Variants in KLHL29 observed in about 807,000 individuals in gnomAD.
KLHL29 encodes kelch-like protein 29.
In KLHL29, 21 loss-of-function variants were observed where a neutral mutation model predicts 80.4. The ratio of observed to expected loss-of-function variants is 0.26; its 90% CI spans 0.19 to 0.38. The LOEUF is 0.38. KLHL29 is among the 10% of genes least tolerant of loss of function. The pLI, the probability that KLHL29 is intolerant of heterozygous loss-of-function variation, is 1.00. For synonymous variants in KLHL29, 511 were observed against 526.8 expected (o/e 0.97, Z 0.41); for missense variants, 867 against 1,223.9 (o/e 0.71, Z 4.35).
chr2:23,464,645 C>A (rs1664299172), intron 1 of KLHL29, among the ~76,000 whole-genome samples: 1 of 152,212 alleles, frequency 6.6e-6, no homozygotes. Flanking sequence ...TCCCCACTTT[C>A]CCCTTCCCCT....
intron 1 of KLHL29, among the ~76,000 whole-genome samples, chr2:23,431,845 C>G (rs1183536191): frequency 2.1e-5 from 3 of 146,084 alleles, no homozygotes; most frequent in African/African-American, 7.6e-5. Context: ...AGTAGTCAGC[C>G]GAGCCGAGAT....
At chr2:23,540,324 C>T (rs1666795650) in intron 2 of KLHL29, among the ~76,000 whole-genome samples, 1 of 152,250 alleles carries the variant, frequency 6.6e-6, no homozygotes, top group Non-Finnish European at 1.5e-5. Flanking sequence ...ACTTCAGTTC[C>T]TCGATCATGC....
chr2:23,396,583 G>A lies in KLHL29; in HGVS notation c.-154+10803G>A, dbSNP rs751997163. 4.6e-5 allele frequency among the ~76,000 whole-genome samples: 7 copies of A among 152,150 alleles called. 1 individual carries two copies. Among genetic ancestry groups the A allele is most frequent in the Non-Finnish European group, 4.4e-5 (3 of 68,034 alleles). On this transcript the variant is annotated intron_variant, in intron 1 of 13. Coordinates refer to ENST00000486442, the MANE Select transcript of KLHL29 (RefSeq NM_052920.2). ...TGGGCTGGTTGGACCAGGAGGCTGC[G>A]TGCAGTGCGCTTGTCAGGCCGATCC...
chr2:23,644,608 C>T (rs77353656), intron 5 of KLHL29, among the ~76,000 whole-genome samples: 2,017 of 152,352 alleles, frequency 0.013, 27 homozygotes, highest in Non-Finnish European at 0.02. Context: ...CAGCCCTGAG[C>T]CCATGAGATC....
chr2:23,446,673 T>C (rs1320274407), intron 1 of KLHL29, among the ~76,000 whole-genome samples: 2 of 152,242 alleles, frequency 1.3e-5, no homozygotes, highest in Non-Finnish European at 2.9e-5. Flanking sequence ...GGAAAAGCCC[T>C]GTAAAACCCA....
intron 3 of KLHL29, among the ~76,000 whole-genome samples, chr2:23,613,763 CAAAAA>C (rs1157736706): frequency 3.0e-4 from 19 of 63,716 alleles, no homozygotes; most frequent in Middle Eastern, 0.011. Flanking sequence ...GACTCCATCT[CAAAAA>C]AAAAAAAAAA....
intron 2 of KLHL29, among the ~76,000 whole-genome samples, chr2:23,511,835 G>A (rs1254174764): frequency 1.3e-5 from 2 of 152,124 alleles, no homozygotes; most frequent in Non-Finnish European, 2.9e-5. Flanking sequence ...GGCTGGTGGG[G>A]GTGGTGGGGG....
At chr2:23,532,420 G>A (rs1163129244) in intron 2 of KLHL29, among the ~76,000 whole-genome samples, 1 of 152,208 alleles carries the variant, frequency 6.6e-6, no homozygotes, top group East Asian at 1.9e-4. Context: ...GTGGGAGCTG[G>A]TGAAGGGAAT....
intron 3 of KLHL29, among the ~76,000 whole-genome samples, chr2:23,615,546 C>T (rs1261780673): frequency 1.3e-5 from 2 of 152,090 alleles, no homozygotes; most frequent in East Asian, 1.9e-4. Context: ...CTGTGTGAGC[C>T]GCACTGCCTC....
chr2:23,675,517 G>A (rs1269024266), intron 5 of KLHL29, among the ~76,000 whole-genome samples: 1 of 151,954 alleles, frequency 6.6e-6, no homozygotes, highest in Non-Finnish European at 1.5e-5. Context: ...TTTTTGTTTG[G>A]GTAGATCTTA....
intron 3 of KLHL29, among the ~76,000 whole-genome samples, chr2:23,625,898 C>T (rs1037430391): frequency 2.6e-5 from 4 of 152,264 alleles, no homozygotes; most frequent in East Asian, 3.9e-4. Flanking sequence ...GGTGAGGACA[C>T]GGCAAGAAGG....
chr2:23,398,218 C>G (rs541732747), intron 1 of KLHL29, among the ~76,000 whole-genome samples: 1 of 152,204 alleles, frequency 6.6e-6, no homozygotes, highest in Non-Finnish European at 1.5e-5. Flanking sequence ...CCCAAGTGTC[C>G]GTCAGTGATG....
Position 23,655,889 on chromosome 2 carries a change from C to A in KLHL29, c.940+13039C>A, listed in dbSNP as rs535844006. Among the ~76,000 whole-genome samples the A allele has an allele frequency of 1.1e-4, 16 of 152,260 alleles. No individual in the cohort carries two copies. In the South Asian group the frequency reaches 2.9e-3, roughly 28 times the overall value. On this transcript the variant is annotated intron_variant, in intron 5 of 13. Coordinates refer to ENST00000486442, the MANE Select transcript of KLHL29 (RefSeq NM_052920.2). ...TGAGCAGATCTGACTGCAGCCTGAACGGGAATCATCACGCGGCATCCCCTG... is the reference window on the plus strand; with the variant it reads ...TGAGCAGATCTGACTGCAGCCTGAAAGGGAATCATCACGCGGCATCCCCTG...
At chr2:23,473,201 C>T (rs1664544826) in intron 1 of KLHL29, among the ~76,000 whole-genome samples, 1 of 152,132 alleles carries the variant, frequency 6.6e-6, no homozygotes, top group Non-Finnish European at 1.5e-5. Flanking sequence ...ACAGTCAACC[C>T]TGACCCTGTC....
chr2:23,602,886 C>T lies in KLHL29; in HGVS notation c.286-36253C>T, dbSNP rs564549878. 3.9e-5 allele frequency among the ~76,000 whole-genome samples: 6 copies of T among 152,270 alleles called. No homozygotes were observed. The South Asian group carries it at 1.2e-3, about 32-fold the overall frequency. ...CCACACCCCATTGGCTCAGTGAGAT[C>T]AGGAAGCAGGAGAGGGTCTGCTCAG... On this transcript the variant is annotated intron_variant, in intron 3 of 13. Transcript: ENST00000486442.
chr2:23,696,536 AG>A lies in KLHL29; in HGVS notation c.2105+27del. On this transcript the variant is annotated intron_variant, in intron 11 of 13. Coordinates refer to ENST00000486442, the MANE Select transcript of KLHL29 (RefSeq NM_052920.2). This position sits in a 1 kb window ranked among gnomAD's most constrained non-coding sequence, Gnocchi z 5.5. ...GAGGTAATGAGGCCACGGTCAGGAC[AG>A]GGGCATGCTCTTTGCTCACCAAGAA... is the stretch of plus-strand genomic sequence containing the variant. The A allele has an allele frequency of 6.7e-7, 1 of 1,486,126 alleles. No individual in the cohort carries two copies. The highest frequency in any genetic ancestry group is 1.4e-5 in the South Asian group (1 of 72,572). 92.1% of individuals were successfully genotyped at this position (1,486,126 alleles called of 1,614,324 possible). A position where few individuals can be genotyped will look rare whatever the true frequency, so the allele number is the denominator to read the frequency against.
At chr2:23,412,059 G>C (rs1666873093) in intron 1 of KLHL29, among the ~76,000 whole-genome samples, 1 of 150,866 alleles carries the variant, frequency 6.6e-6, no homozygotes, top group Admixed American at 6.6e-5. Context: ...TTGTGGGAAT[G>C]TGAGGTGGTT....
chr2:23,708,044 AC>A lies in KLHL29; in HGVS notation c.*1382del, dbSNP rs1480286557. 6.6e-6 allele frequency: 1 copy of A among 152,222 alleles called. No individual in the cohort carries two copies. The highest frequency in any genetic ancestry group is 6.5e-5 in the Admixed American group (1 of 15,282). 9.4% of individuals were successfully genotyped at this position (152,222 alleles called of 1,614,324 possible). A position where few individuals can be genotyped will look rare whatever the true frequency, so the allele number is the denominator to read the frequency against. On this transcript the variant is annotated 3_prime_UTR_variant, in exon 14 of 14. Transcript: ENST00000486442. ...TGAAGTTGGTACCAAATACACATTTACCACTTTTATATCTGGGAAGTCAACT... is the reference window on the plus strand; with the variant it reads ...TGAAGTTGGTACCAAATACACATTTACACTTTTATATCTGGGAAGTCAACT...
At chr2:23,611,258 G>C (rs753071293) in intron 3 of KLHL29, among the ~76,000 whole-genome samples, 1 of 152,192 alleles carries the variant, frequency 6.6e-6, no homozygotes, top group Non-Finnish European at 1.5e-5. Flanking sequence ...TTTCCTCTAG[G>C]AGTATTTGGC....
Sources: allele counts gnomAD v4.1 joint callset (sites outside exome capture counted in the v4.1 genomes callset), GRCh38; gene constraint gnomAD v4.1.1; non-coding constraint Gnocchi (gnomAD v3.1); transcripts MANE v1.5; gene names NCBI Gene and HGNC (gene_info 2026-07-23, HGNC 2026-07-21).